Variants in BTBD7 observed in about 807,000 individuals in gnomAD.
BTBD7 encodes the protein BTB/POZ domain-containing protein 7.
BTBD7 carries 38 observed loss-of-function variants against 99.9 expected under a neutral mutation model. The ratio of observed to expected loss-of-function variants is 0.38; its 90% CI spans 0.29 to 0.50. BTBD7 has a LOEUF of 0.50. BTBD7 is among the 20% of genes least tolerant of loss of function. The pLI, the probability that BTBD7 is intolerant of heterozygous loss-of-function variation, is 0.93. For synonymous variants in BTBD7, 520 were observed against 511.4 expected (o/e 1.02, Z -0.23); for missense variants, 1,170 against 1,394.6 (o/e 0.84, Z 2.57).
At chr14:93,329,442 T>C (rs548590982) in intron 1 of BTBD7, among the ~76,000 whole-genome samples, 3 of 152,228 alleles carry the variant, frequency 2.0e-5, no homozygotes, top group South Asian at 4.1e-4. Flanking sequence ...TTGTAAAATT[T>C]TCTGGATATA....
At chr14:93,285,073 C>A (rs1254936484) in intron 3 of BTBD7, among the ~76,000 whole-genome samples, 1 of 152,118 alleles carries the variant, frequency 6.6e-6, no homozygotes, top group Non-Finnish European at 1.5e-5. Context: ...TGGCCCCATT[C>A]TTCTCTAGGA....
chr14:93,257,101 A>C, intron 6 of BTBD7, 94 bp downstream of exon 6: 10 of 1,253,674 alleles, frequency 8.0e-6, no homozygotes, highest in East Asian at 2.3e-5. Context: ...GCTTCACAAT[A>C]CTCTATTAGT....
At chr14:93,274,269 T>C (rs1269945236) in intron 3 of BTBD7, among the ~76,000 whole-genome samples, 1 of 152,216 alleles carries the variant, frequency 6.6e-6, no homozygotes, top group Non-Finnish European at 1.5e-5. Flanking sequence ...GTAGACTAAA[T>C]TCAGCAACTC....
intron 3 of BTBD7, among the ~76,000 whole-genome samples, chr14:93,270,335 A>G (rs1298016908): frequency 6.6e-6 from 1 of 151,940 alleles, no homozygotes; most frequent in African/African-American, 2.4e-5. Flanking sequence ...ACCTCAGGTG[A>G]TCCACCCGCC....
chr14:93,300,784 A>ATT lies in BTBD7; in HGVS notation c.-106-4628_-106-4627insAA, dbSNP rs1345933223. On this transcript the variant is annotated intron_variant, in intron 1 of 10. Coordinates refer to ENST00000334746, the MANE Select transcript of BTBD7 (RefSeq NM_001002860.4). ...TGTGTGTGTGTGTGTATATATATAT[A>ATT]TATTTTTTTTTTGTAGAGATAGGGT... Among the ~76,000 whole-genome samples, 190 of 70,202 alleles carry ATT rather than the reference A, an allele frequency of 2.7e-3. 25 individuals carry two copies. Among genetic ancestry groups the ATT allele is most frequent in the African/African-American group, 0.012 (179 of 15,512 alleles). The allele number at this position is 70,202 out of a possible 152,430, so 46.1% of individuals were successfully genotyped here.
At chr14:93,283,203 G>A (rs1437662285) in intron 3 of BTBD7, among the ~76,000 whole-genome samples, 2 of 152,090 alleles carry the variant, frequency 1.3e-5, no homozygotes, top group East Asian at 1.9e-4. Context: ...TCAGCCTCCT[G>A]AGGAGCTGAG....
chr14:93,248,768 G>C (rs940077594), intron 8 of BTBD7, 114 bp from the exon 9 acceptor site: 1 of 968,656 alleles, frequency 1.0e-6, no homozygotes, highest in African/African-American at 1.7e-5. Flanking sequence ...AAGTTTTTAA[G>C]ATAGTATCTT....
chr14:93,243,806 A>G (rs2052267365), intron 10 of BTBD7, among the ~76,000 whole-genome samples: 1 of 152,208 alleles, frequency 6.6e-6, no homozygotes, highest in Admixed American at 6.5e-5. Flanking sequence ...CAAATAAATT[A>G]CCTTTAAAGG....
Position 93,261,612 on chromosome 14 carries a change from T to C in BTBD7, c.1437A>G (p.Ile479Met), listed in dbSNP as rs1202942660. The change falls in exon 5 of 11, where the codon ATA becomes ATG. Residue 479 changes from isoleucine to methionine, a missense_variant. By Grantham distance (10) the Ile-to-Met change is conservative. This residue lies in a region of BTBD7 where 309 missense variants were observed against 342.0 expected (regional missense o/e 0.90). Coordinates refer to ENST00000334746, the MANE Select transcript of BTBD7 (RefSeq NM_001002860.4). ...ATTTTCGGAGCTTACCTCTATCTGC[T>C]ATTCTTTTCATCAACTGATGCTCTC... ...KWGEHQLMKR[I>M]ADREPNLLSG... is the part of the protein sequence containing the mutation. 3 of 1,611,584 alleles carry C rather than the reference T, an allele frequency of 1.9e-6. No individual in the cohort carries two copies. The highest frequency in any genetic ancestry group is 2.5e-6 in the Non-Finnish European group (3 of 1,178,752).
intron 3 of BTBD7, among the ~76,000 whole-genome samples, chr14:93,277,570 A>C (rs999696161): frequency 6.6e-6 from 1 of 152,166 alleles, no homozygotes; most frequent in Non-Finnish European, 1.5e-5. Context: ...GATGTGTGAA[A>C]TCTTTGCCTG....
chr14:93,267,907 T>G (rs112269407), intron 3 of BTBD7, among the ~76,000 whole-genome samples: 6,210 of 152,330 alleles, frequency 0.041, 170 homozygotes, highest in South Asian at 0.078. Flanking sequence ...TAATCTGCTC[T>G]CTGTACTGTT....
chr14:93,312,612 G>A (rs1349649678), intron 1 of BTBD7, among the ~76,000 whole-genome samples: 1 of 152,130 alleles, frequency 6.6e-6, no homozygotes, highest in East Asian at 1.9e-4. Flanking sequence ...GGACATCTGA[G>A]CCCCCAACCT....
intron 6 of BTBD7, chr14:93,255,844 G>A (rs2052423399): frequency 6.6e-6 from 1 of 152,162 alleles, no homozygotes; most frequent in Non-Finnish European, 1.5e-5. Context: ...ATATTCTGTT[G>A]TGTAGTGGTA....
intron 1 of BTBD7, among the ~76,000 whole-genome samples, chr14:93,306,551 G>A (rs1183340653): frequency 6.6e-6 from 1 of 151,656 alleles, no homozygotes; most frequent in East Asian, 1.9e-4. Context: ...ATTTCTAAAG[G>A]TAAAATTCCT....
intron 1 of BTBD7, among the ~76,000 whole-genome samples, chr14:93,305,360 C>A (rs1385470894): frequency 6.6e-6 from 1 of 152,104 alleles, no homozygotes; most frequent in Non-Finnish European, 1.5e-5. Context: ...CACTTAGAGT[C>A]TTGTATATAG....
At chr14:93,296,185 T>C (rs2052924440) in intron 1 of BTBD7, 28 bp from the exon 2 acceptor site, 4 of 1,284,388 alleles carry the variant, frequency 3.1e-6, no homozygotes, top group East Asian at 2.9e-5. Context: ...ATAATTTAAT[T>C]CATTTTTTCA....
intron 3 of BTBD7, among the ~76,000 whole-genome samples, chr14:93,266,599 C>A (rs980456647): frequency 6.6e-6 from 1 of 152,036 alleles, no homozygotes; most frequent in Non-Finnish European, 1.5e-5. Flanking sequence ...GAATTTCCAT[C>A]CTCTTCTCCC....
chr14:93,318,017 C>T (rs976712237), intron 1 of BTBD7, among the ~76,000 whole-genome samples: 1 of 152,318 alleles, frequency 6.6e-6, no homozygotes, highest in African/African-American at 2.4e-5. Context: ...TTCCTCTGGA[C>T]GTTGCCCCAT....
intron 3 of BTBD7, among the ~76,000 whole-genome samples, chr14:93,277,611 G>A (rs532818327): frequency 3.9e-5 from 6 of 152,206 alleles, no homozygotes; most frequent in Admixed American, 6.5e-5. Flanking sequence ...GGATAATACC[G>A]TCTACCCTAG....
Sources: allele counts gnomAD v4.1 joint callset (sites outside exome capture counted in the v4.1 genomes callset), GRCh38; gene constraint gnomAD v4.1.1; regional missense constraint gnomAD v4.1.1; transcripts MANE v1.5; gene names NCBI Gene and HGNC (gene_info 2026-07-23, HGNC 2026-07-21).